The following TCF20 variants were observed in gnomAD, a reference collection of about 807,000 sequenced individuals.
The protein encoded by TCF20 is SPRE-binding protein.
In TCF20, 3 loss-of-function variants were observed where a neutral mutation model predicts 148.6. The observed-to-expected ratio is 0.02, with a 90% CI of 0.01 to 0.05. TCF20 has a LOEUF of 0.05. Among genes scored for constraint, TCF20 ranks in the 10% least tolerant of loss-of-function variants. The pLI is 1.00. For missense variants in TCF20, 2,350 were observed against 2,429.3 expected, an observed-to-expected ratio of 0.97 and a Z score of 0.69; for synonymous variants, 1,049 against 909.5, an observed-to-expected ratio of 1.15 and a Z score of -2.76.
At chr22:42,307,864 G>C (rs969173383) in intron 1 of TCF20, among the ~76,000 whole-genome samples, 1 of 152,156 alleles carries the variant, frequency 6.6e-6, no homozygotes, top group Admixed American at 6.6e-5. Flanking sequence ...CAGCTTGGAC[G>C]GCCAGCTGGA....
intron 2 of TCF20, among the ~76,000 whole-genome samples, chr22:42,199,706 CAAA>C (rs59845847): frequency 0.076 from 2,520 of 33,218 alleles, 26 homozygotes; most frequent in East Asian, 0.29. Context: ...CCCATCTCTA[CAAA>C]AAAAAAAAAA....
intron 1 of TCF20, among the ~76,000 whole-genome samples, chr22:42,334,517 G>A (rs149820750): frequency 1.2e-3 from 189 of 152,384 alleles, no homozygotes; most frequent in African/African-American, 3.8e-3. Context: ...TGCAGCCACT[G>A]TTCTAGGAGC....
chr22:42,215,467 A>G (rs922903311), intron 1 of TCF20, 126 bp from the exon 2 acceptor site: 10 of 1,012,372 alleles, frequency 9.9e-6, no homozygotes, highest in South Asian at 2.3e-5. Context: ...TTGAATTTCT[A>G]TTTTTTTTTT....
chr22:42,312,181 G>A (rs1353777424), intron 1 of TCF20, among the ~76,000 whole-genome samples: 1 of 152,208 alleles, frequency 6.6e-6, no homozygotes, highest in African/African-American at 2.4e-5. Flanking sequence ...CCGAGAAGGT[G>A]CCATCATGGA....
intron 1 of TCF20, among the ~76,000 whole-genome samples, chr22:42,263,774 T>C (rs927110328): frequency 1.3e-5 from 2 of 152,130 alleles, no homozygotes; most frequent in Non-Finnish European, 2.9e-5. Flanking sequence ...TGGAACTACA[T>C]AGGCTTTTTC....
At chr22:42,199,963 G>GA (rs1937885189) in intron 2 of TCF20, among the ~76,000 whole-genome samples, 1 of 59,118 alleles carries the variant, frequency 1.7e-5, no homozygotes, top group South Asian at 5.2e-4. Context: ...GATTCTCTGG[G>GA]TTTTTTTTTA....
chr22:42,170,993 T>C (rs1936100324), intron 3 of TCF20, among the ~76,000 whole-genome samples: 1 of 152,050 alleles, frequency 6.6e-6, no homozygotes, highest in Non-Finnish European at 1.5e-5. Flanking sequence ...CCACACTAAA[T>C]GCTTCAGAGG....
In TCF20 at chr22:42,214,012, C is replaced by A; in HGVS notation, c.1294G>T (p.Ala432Ser). 6.2e-7 allele frequency: 1 copy of A among 1,614,176 alleles called. No homozygotes were observed. The highest frequency in any genetic ancestry group is 8.5e-7 in the Non-Finnish European group (1 of 1,180,034). Residue 432 changes from alanine to serine, a missense_variant, in exon 2 of 6, where the codon GCT (alanine) becomes TCT (serine). This residue lies in a region of TCF20 where 1,641 missense variants were observed against 1,662.6 expected (regional missense o/e 0.99). Transcript: ENST00000677622. ...AGTCCAAACCCTTTGAAGCCTGCAG[C>A]ATGAGAATTAGGACTGGGCATCATT... ...PSMMPSPNSH[A>S]AGFKGFGLEG...
intron 1 of TCF20, among the ~76,000 whole-genome samples, chr22:42,309,388 C>CTT (rs1569206317): frequency 1.3e-5 from 2 of 151,708 alleles, no homozygotes; most frequent in African/African-American, 4.8e-5. Context: ...CCAGGATCCT[C>CTT]AACCTGTCAC....
chr22:42,265,156 G>GT (rs1926216469), intron 1 of TCF20, among the ~76,000 whole-genome samples: 2 of 152,196 alleles, frequency 1.3e-5, no homozygotes, highest in African/African-American at 4.8e-5. Context: ...TACTGATTGT[G>GT]TTTGTCGCCA....
chr22:42,214,232 C>T lies in TCF20; in HGVS notation c.1074G>A (p.Met358Ile). The T allele has an allele frequency of 5.0e-6, 8 of 1,614,224 alleles. No individual in the cohort carries two copies. Among genetic ancestry groups the T allele is most frequent in the South Asian group, 1.1e-5 (1 of 91,088 alleles). ...NQPEVPVRSP[M>I]QFHQNFSPIS... ...TGGGGCTGAAGTTCTGGTGAAACTG[C>T]ATGGGGGACCTCACAGGAACCTCAG... The change falls in exon 2 of 6, where the codon ATG becomes ATA. Residue 358 changes from methionine to isoleucine, a missense_variant. Met to Ile is a conservative substitution (Grantham distance 10). Around this residue, in one of 7 missense-constraint regions of TCF20, gnomAD observed 1,641 missense variants for 1,662.6 expected, o/e 0.99. Coordinates refer to ENST00000677622, the MANE Select transcript of TCF20 (RefSeq NM_001378418.1).
At chr22:42,246,385 A>C (rs1924908160) in intron 1 of TCF20, among the ~76,000 whole-genome samples, 1 of 152,192 alleles carries the variant, frequency 6.6e-6, no homozygotes, top group African/African-American at 2.4e-5. Context: ...GCTGGGATAC[A>C]GGCATGAGTC....
chr22:42,259,247 A>G (rs1033517235), intron 1 of TCF20, among the ~76,000 whole-genome samples: 4 of 152,156 alleles, frequency 2.6e-5, no homozygotes, highest in Non-Finnish European at 5.9e-5. Context: ...AGCACTTGTC[A>G]TTGTTAGCAA....
chr22:42,313,667 T>G (rs896078154), intron 1 of TCF20, among the ~76,000 whole-genome samples: 1 of 150,258 alleles, frequency 6.7e-6, no homozygotes, highest in African/African-American at 2.5e-5. Context: ...GGGCACGATC[T>G]TGGCTCACTG....
At chr22:42,194,445 C>T (rs2147139367) in intron 2 of TCF20, among the ~76,000 whole-genome samples, 1 of 152,280 alleles carries the variant, frequency 6.6e-6, no homozygotes, top group East Asian at 1.9e-4. Flanking sequence ...TATCAACAAC[C>T]CCGGCCGCCT....
At chr22:42,220,127 C>G (rs1922219638) in intron 1 of TCF20, among the ~76,000 whole-genome samples, 1 of 152,164 alleles carries the variant, frequency 6.6e-6, no homozygotes, top group Non-Finnish European at 1.5e-5. Context: ...TTGGCTTTCT[C>G]TGTCCTTCTT....
chr22:42,197,187 G>C (rs1202355752), intron 2 of TCF20, among the ~76,000 whole-genome samples: 1 of 152,084 alleles, frequency 6.6e-6, no homozygotes, highest in Non-Finnish European at 1.5e-5. Context: ...CATAATATTT[G>C]CTTCCTTTAA....
At position 42,338,481 on chromosome 22, in the gene TCF20, G is replaced by A. The variant is rs1337070171; in HGVS notation, c.-37+4998C>T. On this transcript the variant is annotated intron_variant, in intron 1 of 1. Coordinates refer to the TCF20 transcript ENST00000515426. This position sits in a 1 kb window ranked among gnomAD's most constrained non-coding sequence, Gnocchi z 4.0. The stretch of plus-strand genomic sequence containing the variant: ...CCTCCCGGCAGCCCGGCCTGCAGGG[G>A]CCACTCGGCCAATCCCGAAGAGCTC... Among the ~76,000 whole-genome samples the A allele has an allele frequency of 3.9e-5, 6 of 152,360 alleles. No individual in the cohort carries two copies. Among genetic ancestry groups the A allele is most frequent in the African/African-American group, 1.4e-4 (6 of 41,590 alleles).
At chr22:42,276,080 C>T (rs1926772189) in intron 1 of TCF20, among the ~76,000 whole-genome samples, 1 of 152,168 alleles carries the variant, frequency 6.6e-6, no homozygotes, top group South Asian at 2.1e-4. Context: ...AAGCTCAAGA[C>T]TTTTAGCCAC....
Sources: allele counts gnomAD v4.1 joint callset (sites outside exome capture counted in the v4.1 genomes callset), GRCh38; gene constraint gnomAD v4.1.1; regional missense constraint gnomAD v4.1.1; non-coding constraint Gnocchi (gnomAD v3.1); transcripts MANE v1.5; gene names NCBI Gene and HGNC (gene_info 2026-07-23, HGNC 2026-07-21).